MFAP3: variants seen among roughly 807,000 people sequenced by gnomAD.
MFAP3 encodes the protein microfibril-associated glycoprotein 3.
Under a neutral mutation model 20.5 loss-of-function variants are expected in MFAP3, and 8 were observed. The observed-to-expected ratio is 0.39, with a 90% CI of 0.23 to 0.70. The LOEUF (loss-of-function observed/expected upper bound fraction) is 0.70, where lower values mean the gene tolerates loss of function less well. Ranked by LOEUF, MFAP3 falls within the 30% of genes least tolerant of loss-of-function variation. The pLI, the probability that MFAP3 is intolerant of heterozygous loss-of-function variation, is 0.44. For synonymous variants in MFAP3, 140 were observed against 154.0 expected, an observed-to-expected ratio of 0.91 and a Z score of 0.67; for missense variants, 398 against 444.6, an observed-to-expected ratio of 0.90 and a Z score of 0.94.
chr5:154,042,887 C>T (rs745963847), intron 1 of MFAP3, among the ~76,000 whole-genome samples: 1 of 151,994 alleles, frequency 6.6e-6, no homozygotes, highest in African/African-American at 2.4e-5. Flanking sequence ...TTGCATTTTC[C>T]CAGAACTATT....
rs1257619248 is a variant in MFAP3 at position 154,040,670 on chromosome 5, T to C, written c.-167+1659T>C. Among the ~76,000 whole-genome samples the C allele has an allele frequency of 2.0e-5, 3 of 152,198 alleles. No homozygotes were observed. In the East Asian group the frequency reaches 5.8e-4, roughly 29 times the overall value. On this transcript the variant is annotated intron_variant, in intron 1 of 2. Coordinates refer to ENST00000522782, the MANE Select transcript of MFAP3 (RefSeq NM_005927.5). The stretch of plus-strand genomic sequence containing the variant: ...AATAAACCTATATGCACATTAAAAA[T>C]GCAGATGCCCAGGCATCCCCTAGAG...
chr5:154,048,648 A>C (rs1450619944), intron 1 of MFAP3, among the ~76,000 whole-genome samples: 1 of 152,218 alleles, frequency 6.6e-6, no homozygotes, highest in Non-Finnish European at 1.5e-5. Context: ...GAAGGTGATC[A>C]TAAATACATA....
At chr5:154,045,989 A>G (rs1057213239) in intron 1 of MFAP3, among the ~76,000 whole-genome samples, 1 of 152,240 alleles carries the variant, frequency 6.6e-6, no homozygotes, top group Non-Finnish European at 1.5e-5. Flanking sequence ...CCAATGCCTC[A>G]GAAACACCCA....
At chr5:154,045,360 A>T (rs1373051073) in intron 1 of MFAP3, among the ~76,000 whole-genome samples, 1 of 152,216 alleles carries the variant, frequency 6.6e-6, no homozygotes, top group Non-Finnish European at 1.5e-5. Flanking sequence ...ATCCAAGCTC[A>T]GTTTACAATG....
chr5:154,049,116 A>G (rs1773124462), intron 1 of MFAP3, among the ~76,000 whole-genome samples: 1 of 152,240 alleles, frequency 6.6e-6, no homozygotes, highest in Non-Finnish European at 1.5e-5. Flanking sequence ...GATTTACATT[A>G]TAACAACAGA....
In MFAP3 at chr5:154,054,180, C is replaced by G. The variant is rs1458104038; in HGVS notation, c.*467C>G. On this transcript the variant is annotated 3_prime_UTR_variant, in exon 3 of 3. Transcript: ENST00000522782. ...TTCACTCATCTCTAAGTAAACCTTT[C>G]CCGGGACTTTTACTCGCTTCTTTTG... 2 of 168,586 alleles carry G rather than the reference C, an allele frequency of 1.2e-5. No homozygotes were observed. The highest frequency in any genetic ancestry group is 4.8e-5 in the African/African-American group (2 of 41,456). 10.4% of individuals were successfully genotyped at this position (168,586 alleles called of 1,614,324 possible).
intron 1 of MFAP3, among the ~76,000 whole-genome samples, chr5:154,044,452 G>A (rs775053308): frequency 3.3e-5 from 5 of 152,290 alleles, no homozygotes; most frequent in South Asian, 2.1e-4. Flanking sequence ...ACCTGCAAAT[G>A]GGTTATATCC....
chr5:154,044,585 T>A (rs1032154318), intron 1 of MFAP3, among the ~76,000 whole-genome samples: 13 of 152,240 alleles, frequency 8.5e-5, no homozygotes, highest in African/African-American at 3.1e-4. Context: ...TCAAAATCAG[T>A]GTGCCAGGTT....
At position 154,055,005 on chromosome 5, in the gene MFAP3, A is replaced by G. The variant is rs867067529; in HGVS notation, c.*1292A>G. 6.0e-6 allele frequency: 1 copy of G among 166,890 alleles called. No homozygotes were observed. Among genetic ancestry groups the G allele is most frequent in the South Asian group, 2.1e-4 (1 of 4,828 alleles). The allele number at this position is 166,890 out of a possible 1,614,324, so 10.3% of individuals were successfully genotyped here. On this transcript the variant is annotated 3_prime_UTR_variant, in exon 3 of 3. Coordinates refer to ENST00000522782, the MANE Select transcript of MFAP3 (RefSeq NM_005927.5). ...ATGATGGATGATGCCACCTGCTTCA[A>G]CTGTATATAATAAACACTTATGATG...
intron 2 of MFAP3, among the ~76,000 whole-genome samples, chr5:154,052,223 GCT>G (rs1395608243): frequency 1.3e-5 from 2 of 151,946 alleles, no homozygotes; most frequent in African/African-American, 4.8e-5. Context: ...TTTTTGCCAA[GCT>G]TTTCATTTAC....
chr5:154,042,398 G>C (rs947141664), intron 1 of MFAP3, among the ~76,000 whole-genome samples: 2 of 152,212 alleles, frequency 1.3e-5, no homozygotes, highest in Non-Finnish European at 2.9e-5. Flanking sequence ...GGTGCCAGAA[G>C]ATATGTTGAA....
Position 154,055,043 on chromosome 5 carries a change from TG to T in MFAP3, c.*1332del, listed in dbSNP as rs1773295051. On this transcript the variant is annotated 3_prime_UTR_variant, in exon 3 of 3. Coordinates refer to ENST00000522782, the MANE Select transcript of MFAP3 (RefSeq NM_005927.5). ...AACACTTATGATGACATTTCTTGCC[TG>T]GCTGAGATCTGATATAATGGAATTG... The T allele has an allele frequency of 6.0e-6, 1 of 167,034 alleles. No homozygotes were observed. Among genetic ancestry groups the T allele is most frequent in the African/African-American group, 2.4e-5 (1 of 41,464 alleles). 10.3% of individuals were successfully genotyped at this position (167,034 alleles called of 1,614,324 possible). A position where few individuals can be genotyped will look rare whatever the true frequency, so the allele number is the denominator to read the frequency against.
intron 1 of MFAP3, among the ~76,000 whole-genome samples, chr5:154,044,982 T>C (rs1009674617): frequency 2.6e-5 from 4 of 151,410 alleles, no homozygotes; most frequent in African/African-American, 9.7e-5. Flanking sequence ...TAGAATTCTA[T>C]CAGGCACCAA....
chr5:154,049,052 T>C (rs538426170), intron 1 of MFAP3, among the ~76,000 whole-genome samples: 2 of 152,342 alleles, frequency 1.3e-5, no homozygotes, highest in East Asian at 3.9e-4. Flanking sequence ...CATATCTTCA[T>C]ACTTGAATTA....
rs778268369 is a variant in MFAP3, at chr5:154,053,148, G to A, written c.524G>A (p.Ser175Asn). 3 of 1,613,722 alleles carry A rather than the reference G, an allele frequency of 1.9e-6. No homozygotes were observed. The highest frequency in any genetic ancestry group is 2.2e-5 in the South Asian group (2 of 91,080). The change falls in exon 3 of 3, where the codon AGC becomes AAC. Residue 175 changes from serine to asparagine, a missense_variant. Physicochemically the swap from Ser to Asn is conservative, Grantham distance 46. Transcript: ENST00000522782. ...GTCACACGGCTGTGCATGATGAGCA[G>A]CCATCTTCGCAAGACTGAGAAGGCT... ...LNVTRLCMMS[S>N]HLRKTEKAIN...
rs1382904202 is a variant in MFAP3, at chr5:154,053,073, A to G, written c.449A>G (p.Tyr150Cys). The change falls in exon 3 of 3, where the codon TAT becomes TGT. Residue 150 changes from tyrosine (Y) to cysteine (C), a missense_variant. Physicochemically the swap from Tyr to Cys is radical, Grantham distance 194. Transcript: ENST00000522782. The part of the protein sequence containing the change: ...VIFTSGDMSV[Y>C]YMIVCLIAFT... ...TTCACCTCGGGAGACATGAGTGTCTATTACATGATTGTTTGCCTGATTGCC... is the reference window on the plus strand; with the variant it reads ...TTCACCTCGGGAGACATGAGTGTCTGTTACATGATTGTTTGCCTGATTGCC... 7 of 1,613,840 alleles carry G rather than the reference A, an allele frequency of 4.3e-6. No homozygotes were observed. Among genetic ancestry groups the G allele is most frequent in the Non-Finnish European group, 5.9e-6 (7 of 1,179,882 alleles).
rs1214364516 is a variant in MFAP3, at chr5:154,038,975, C to G, written c.-203C>G. On this transcript the variant is annotated 5_prime_UTR_variant, in exon 1 of 3. Transcript: ENST00000522782. ...TGTCCGAGAAAACTTCCGAGTTAAG[C>G]CGCCGCTGAGGCCGGAAGGAGCTAG... 4 of 152,334 alleles carry G rather than the reference C, an allele frequency of 2.6e-5. No homozygotes were observed. The highest frequency in any genetic ancestry group is 9.6e-5 in the African/African-American group (4 of 41,462). 9.4% of individuals were successfully genotyped at this position (152,334 alleles called of 1,614,324 possible). A position where few individuals can be genotyped will look rare whatever the true frequency, so the allele number is the denominator to read the frequency against.
At chr5:154,050,151 G>T (rs1222328148) in intron 2 of MFAP3, 134 bp downstream of exon 2, 15 of 813,748 alleles carry the variant, frequency 1.8e-5, no homozygotes, top group African/African-American at 3.5e-5. Context: ...AAGGTCTGGA[G>T]TGTTGTACCT....
chr5:154,040,715 G>A (rs946861547), intron 1 of MFAP3, among the ~76,000 whole-genome samples: 1 of 152,174 alleles, frequency 6.6e-6, no homozygotes, highest in Non-Finnish European at 1.5e-5. Flanking sequence ...CAATAAGTCT[G>A]TGGGGTCAAG....
Sources: allele counts gnomAD v4.1 joint callset (sites outside exome capture counted in the v4.1 genomes callset), GRCh38; gene constraint gnomAD v4.1.1; transcripts MANE v1.5; gene names NCBI Gene and HGNC (gene_info 2026-07-23, HGNC 2026-07-21).